EXOC4: variants seen among roughly 807,000 people sequenced by gnomAD.
The protein encoded by EXOC4 is SEC8-like 1.
In EXOC4, 71 loss-of-function variants were observed where a neutral mutation model predicts 107.2. The observed-to-expected ratio is 0.66, with a 90% confidence interval of 0.55 to 0.81. The LOEUF (loss-of-function observed/expected upper bound fraction) is 0.81, where lower values mean the gene tolerates loss of function less well. EXOC4 is among the 30% of genes least tolerant of loss of function. EXOC4 has a pLI of 0.00. For synonymous variants in EXOC4, 456 were observed against 441.2 expected (o/e 1.03, Z -0.42); for missense variants, 1,108 against 1,189.6 (o/e 0.93, Z 1.01).
chr7:133,914,634 A>G (rs1420051849), intron 12 of EXOC4, among the ~76,000 whole-genome samples: 1 of 114,476 alleles, frequency 8.7e-6, no homozygotes, highest in Non-Finnish European at 1.8e-5. Flanking sequence ...AAAATAAAAA[A>G]TAAAAAAAAA....
At chr7:133,678,707 C>T (rs2151065762) in intron 10 of EXOC4, among the ~76,000 whole-genome samples, 1 of 152,078 alleles carries the variant, frequency 6.6e-6, no homozygotes, top group South Asian at 2.1e-4. Flanking sequence ...ACCTCCTGGG[C>T]TCAAGTGATC....
At position 133,435,928 on chromosome 7, in the gene EXOC4, A is replaced by AT. The variant is rs1325743880; in HGVS notation, c.1183-39394dup. The stretch of plus-strand genomic sequence containing the variant: ...CTGAAGCAAGTGGGTTTTTTCTTTT[A>AT]TTTTTTGTGATTAAATATTTGGTTA... On this transcript the variant is annotated intron_variant, in intron 7 of 17. Coordinates refer to ENST00000253861, the MANE Select transcript of EXOC4 (RefSeq NM_021807.4). Among the ~76,000 whole-genome samples the AT allele has an allele frequency of 5.3e-5, 8 of 149,802 alleles. No homozygotes were observed. In the South Asian group the frequency reaches 6.4e-4, roughly 12 times the overall value.
chr7:133,450,435 T>C (rs1241875637), intron 7 of EXOC4, among the ~76,000 whole-genome samples: 2 of 152,192 alleles, frequency 1.3e-5, no homozygotes, highest in African/African-American at 2.4e-5. Context: ...AGTACTGGGA[T>C]TACAGGCATG....
chr7:134,053,574 TTAAA>T (rs1309697405), intron 17 of EXOC4, among the ~76,000 whole-genome samples: 2 of 137,752 alleles, frequency 1.5e-5, no homozygotes, highest in East Asian at 4.2e-4. Context: ...ATATATATAT[TTAAA>T]TATATAATTT....
intron 14 of EXOC4, among the ~76,000 whole-genome samples, chr7:133,955,577 G>T (rs992079555): frequency 6.6e-6 from 1 of 152,214 alleles, no homozygotes; most frequent in Non-Finnish European, 1.5e-5. Context: ...GGGACTGGCA[G>T]CCTGGCCCCC....
chr7:133,466,677 A>G (rs529300996), intron 7 of EXOC4, among the ~76,000 whole-genome samples: 7 of 152,334 alleles, frequency 4.6e-5, no homozygotes, highest in East Asian at 1.9e-4. Context: ...AATGCATCCT[A>G]CTAGGCCAGT....
intron 7 of EXOC4, among the ~76,000 whole-genome samples, chr7:133,437,982 A>T (rs1239788077): frequency 6.6e-6 from 1 of 152,132 alleles, no homozygotes. Context: ...GTAATTTTAA[A>T]AGCTCCTCTT....
At chr7:133,397,753 C>T (rs1006318024) in intron 7 of EXOC4, among the ~76,000 whole-genome samples, 3 of 152,090 alleles carry the variant, frequency 2.0e-5, no homozygotes, top group African/African-American at 4.8e-5. Flanking sequence ...TCTTCTCTCT[C>T]CATTTATTCT....
intron 7 of EXOC4, among the ~76,000 whole-genome samples, chr7:133,408,535 G>T (rs1044286378): frequency 6.6e-6 from 1 of 151,910 alleles, no homozygotes; most frequent in Non-Finnish European, 1.5e-5. Context: ...TGGAGTTGAG[G>T]AGGGGGCGGT....
intron 10 of EXOC4, among the ~76,000 whole-genome samples, chr7:133,681,601 G>T (rs951854264): frequency 2.0e-5 from 3 of 152,146 alleles, no homozygotes; most frequent in African/African-American, 7.2e-5. Context: ...GAAGGACTTT[G>T]TAACACCATG....
chr7:133,363,609 TAAAAAA>T (rs10714895), intron 6 of EXOC4, among the ~76,000 whole-genome samples: 2 of 142,542 alleles, frequency 1.4e-5, no homozygotes, highest in Non-Finnish European at 3.0e-5. Flanking sequence ...GTGGCAAAGT[TAAAAAA>T]AAAAAAAAAA....
At chr7:133,364,157 A>T (rs187894265) in intron 6 of EXOC4, among the ~76,000 whole-genome samples, 1 of 151,902 alleles carries the variant, frequency 6.6e-6, no homozygotes, top group Non-Finnish European at 1.5e-5. Flanking sequence ...ATGTGGTCTC[A>T]CTCTGTCGCT....
At chr7:133,631,600 T>G (rs1300093136) in intron 10 of EXOC4, among the ~76,000 whole-genome samples, 1 of 152,058 alleles carries the variant, frequency 6.6e-6, no homozygotes, top group African/African-American at 2.4e-5. Context: ...CAGAGATTTG[T>G]AGCAGGTAAA....
chr7:133,808,163 G>T (rs2151203209), intron 10 of EXOC4, among the ~76,000 whole-genome samples: 1 of 152,194 alleles, frequency 6.6e-6, no homozygotes, highest in African/African-American at 2.4e-5. Context: ...AGCTTATTTT[G>T]TACTTTTACA....
At chr7:133,572,708 G>A (rs530431136) in intron 9 of EXOC4, among the ~76,000 whole-genome samples, 1 of 151,894 alleles carries the variant, frequency 6.6e-6, no homozygotes, top group South Asian at 2.1e-4. Context: ...GAATTGAAGA[G>A]CCGTTGGCAT....
intron 10 of EXOC4, among the ~76,000 whole-genome samples, chr7:133,800,659 CA>C (rs1209272047): frequency 6.6e-5 from 10 of 152,112 alleles, no homozygotes; most frequent in Non-Finnish European, 1.3e-4. Flanking sequence ...GAACAATAGT[CA>C]AAAAGAATTC....
intron 10 of EXOC4, among the ~76,000 whole-genome samples, chr7:133,701,997 C>CTTTTTTTTTTTTT (rs71162021): frequency 6.0e-5 from 4 of 66,606 alleles, no homozygotes; most frequent in African/African-American, 1.1e-4. Flanking sequence ...TTCTTTCTTT[C>CTTTTTTTTTTTTT]TTTTTTTTTT....
chr7:134,001,492 A>G (rs1332522774), intron 15 of EXOC4, among the ~76,000 whole-genome samples: 1 of 151,490 alleles, frequency 6.6e-6, no homozygotes, highest in African/African-American at 2.4e-5. Context: ...TTTAATCTCT[A>G]ATCACTTGGG....
At chr7:133,952,358 A>G (rs1800712696) in intron 14 of EXOC4, among the ~76,000 whole-genome samples, 1 of 152,116 alleles carries the variant, frequency 6.6e-6, no homozygotes, top group African/African-American at 2.4e-5. Flanking sequence ...TCAGCTGGGC[A>G]TCCTCCACAG....
Sources: gnomAD v4.1 joint callset for allele counts (sites outside exome capture counted in the v4.1 genomes callset) on GRCh38, gnomAD v4.1.1 for gene constraint, MANE v1.5 for transcripts, NCBI Gene and HGNC (gene_info 2026-07-23, HGNC 2026-07-21) for gene names.